ZNF675: variants seen among roughly 807,000 people sequenced by gnomAD.
The protein encoded by ZNF675 is zinc finger protein 675, also known as TRAF6 inhibitory zinc finger.
A neutral mutation model predicts 56.1 loss-of-function variants in ZNF675; 36 were observed. The observed-to-expected ratio is 0.64, with a 90% CI of 0.49 to 0.85. The LOEUF is 0.85. Ranked by LOEUF, ZNF675 falls within the 40% of genes least tolerant of loss-of-function variation. The probability of loss-of-function intolerance (pLI) is 0.00; values close to 1 mark genes in which losing one functional copy is unlikely to be tolerated. For missense variants in ZNF675, 663 were observed against 654.2 expected, an observed-to-expected ratio of 1.01 and a Z score of -0.15; for synonymous variants, 200 against 218.9, an observed-to-expected ratio of 0.91 and a Z score of 0.76.
intron 1 of ZNF675, among the ~76,000 whole-genome samples, chr19:23,665,476 G>A (rs1968137372): frequency 6.6e-6 from 1 of 152,096 alleles, no homozygotes; most frequent in Admixed American, 6.6e-5. Flanking sequence ...TAGGGTTCAT[G>A]AGTGGTTTTT....
intron 1 of ZNF675, among the ~76,000 whole-genome samples, chr19:23,666,864 G>A (rs1392796173): frequency 6.6e-6 from 1 of 151,976 alleles, no homozygotes; most frequent in Non-Finnish European, 1.5e-5. Context: ...CCACGTGCAA[G>A]TGCCTGACTA....
intron 1 of ZNF675, among the ~76,000 whole-genome samples, chr19:23,675,140 T>C (rs1968279772): frequency 6.6e-6 from 1 of 151,650 alleles, no homozygotes; most frequent in Non-Finnish European, 1.5e-5. Flanking sequence ...CTTGAAAGAA[T>C]GTTTATGGGG....
intron 3 of ZNF675, among the ~76,000 whole-genome samples, chr19:23,659,726 T>C (rs1280157832): frequency 2.6e-5 from 4 of 152,302 alleles, no homozygotes; most frequent in South Asian, 2.1e-4. Flanking sequence ...CCACTAAGAA[T>C]TCTGAACTTA....
At chr19:23,660,965 C>T (rs544307373) in intron 3 of ZNF675, among the ~76,000 whole-genome samples, 2 of 145,332 alleles carry the variant, frequency 1.4e-5, no homozygotes, top group Non-Finnish European at 3.0e-5. Flanking sequence ...GAGTCCCACT[C>T]TATAGCCAGG....
chr19:23,680,955 T>C (rs1223854135), intron 1 of ZNF675, among the ~76,000 whole-genome samples: 5 of 151,410 alleles, frequency 3.3e-5, no homozygotes, highest in Non-Finnish European at 7.4e-5. Flanking sequence ...ATGACACAAT[T>C]TTACCTATAA....
At chr19:23,663,852 T>C (rs7256112) in intron 1 of ZNF675, among the ~76,000 whole-genome samples, 147,971 of 152,322 alleles carry the variant, frequency 0.97, 72,038 homozygotes, top group Middle Eastern at 1. Flanking sequence ...ACATTAGATG[T>C]TCTCCATTTT....
intron 3 of ZNF675, chr19:23,658,688 G>C (rs1479575308): frequency 6.6e-6 from 1 of 151,292 alleles, no homozygotes; most frequent in African/African-American, 2.4e-5. Flanking sequence ...TCAAAAAAAA[G>C]ACAGAAATTT....
At chr19:23,668,985 G>A (rs138040580) in intron 1 of ZNF675, among the ~76,000 whole-genome samples, 1,691 of 152,302 alleles carry the variant, frequency 0.011, 36 homozygotes, top group African/African-American at 0.038. Flanking sequence ...ACAGTGCAGC[G>A]GTGGGCTGAA....
Position 23,653,242 on chromosome 19 carries a change from T to C in ZNF675, c.1691A>G (p.Gln564Arg), listed in dbSNP as rs747604014. Reference sequence around the variant, plus strand: ...AAATCATTATCACACATTCCAGTTCTGTAGTTTCTCTCCAGTATGTATTTT... The same window carrying C: ...AAATCATTATCACACATTCCAGTTCCGTAGTTTCTCTCCAGTATGTATTTT... Reference protein sequence around the residue: ...HKKIHTGEKLQNWNV With the variant: ...HKKIHTGEKLRNWNV The change falls in exon 4 of 4, where the codon CAG becomes CGG. Residue 564 changes from glutamine (Q) to arginine (R), a missense_variant. By Grantham distance (43) the Gln-to-Arg change is conservative (BLOSUM62 1). Around this residue, in one of 3 missense-constraint regions of ZNF675, gnomAD observed 617 missense variants for 590.5 expected, o/e 1.04. Transcript: ENST00000359788. 2 of 1,599,766 alleles carry C rather than the reference T, an allele frequency of 1.3e-6. No individual in the cohort carries two copies. The highest frequency in any genetic ancestry group is 8.5e-7 in the Non-Finnish European group (1 of 1,173,372).
chr19:23,654,891 C>T (rs1967962111), intron 3 of ZNF675, 185 bp from the exon 4 acceptor site: 4 of 459,154 alleles, frequency 8.7e-6, no homozygotes, highest in African/African-American at 6.1e-5. Context: ...AATTCTGTCA[C>T]ATTTACCCAA....
intron 3 of ZNF675, among the ~76,000 whole-genome samples, chr19:23,661,739 G>A (rs916390008): frequency 2.0e-5 from 3 of 152,054 alleles, no homozygotes; most frequent in Admixed American, 1.3e-4. Flanking sequence ...CTTCTCATAC[G>A]TTTCAGACAA....
chr19:23,653,580 G>C lies in ZNF675; in HGVS notation c.1353C>G (p.Pro451=), dbSNP rs929679779. 5.0e-6 allele frequency: 8 copies of C among 1,612,508 alleles called. No homozygotes were observed. The highest frequency in any genetic ancestry group is 5.9e-6 in the Non-Finnish European group (7 of 1,179,466). ...EHKKLHTGKK[P]YKCEECGKAF... is the part of the protein sequence containing the mutation. ...CTTTGCCACATTCTTCACATTTGTA[G>C]GGTTTCTTTCCAGTATGAAGTTTCT... The change falls in exon 4 of 4, where the codon CCC becomes CCG. Residue 451 remains proline, a synonymous_variant. Transcript: ENST00000359788.
chr19:23,677,910 G>A (rs1430035100), intron 1 of ZNF675, among the ~76,000 whole-genome samples: 7 of 151,478 alleles, frequency 4.6e-5, no homozygotes, highest in Admixed American at 2.0e-4. Flanking sequence ...ACCTGAGGTC[G>A]GGAGTTTGAG....
At chr19:23,684,729 T>G (rs900934295) in intron 1 of ZNF675, among the ~76,000 whole-genome samples, 7 of 152,142 alleles carry the variant, frequency 4.6e-5, no homozygotes, top group African/African-American at 1.4e-4. Context: ...CCCATCCTGC[T>G]CACTTAAGTG....
At chr19:23,674,275 A>C (rs1029176866) in intron 1 of ZNF675, among the ~76,000 whole-genome samples, 1 of 151,978 alleles carries the variant, frequency 6.6e-6, no homozygotes, top group African/African-American at 2.4e-5. Flanking sequence ...AAGTTTATTT[A>C]CCTGTTAATA....
intron 3 of ZNF675, among the ~76,000 whole-genome samples, chr19:23,660,717 TTA>T (rs1968064717): frequency 6.6e-6 from 1 of 152,168 alleles, no homozygotes; most frequent in Non-Finnish European, 1.5e-5. Flanking sequence ...TGAAAATATT[TTA>T]TGTCTATGAA....
intron 1 of ZNF675, among the ~76,000 whole-genome samples, chr19:23,676,994 G>A (rs751024271): frequency 5.0e-5 from 7 of 139,856 alleles, no homozygotes; most frequent in Non-Finnish European, 7.8e-5. Context: ...GAATGGCGGC[G>A]TTAACCCGGG....
At position 23,654,237 on chromosome 19, in the gene ZNF675, T is replaced by G; in HGVS notation, c.696A>C (p.Glu232Asp). The change falls in exon 4 of 4, where the codon GAA becomes GAC. Residue 232 changes from glutamate to aspartate, a missense_variant. Physicochemically the swap from Glu to Asp is conservative, Grantham distance 45. Coordinates refer to ENST00000359788, the MANE Select transcript of ZNF675 (RefSeq NM_138330.3). ...AGAATTGGTTAAAAGTTCTGTCACA[T>G]TCTTGACATTTGTAGAGTTTCTCAC... is the stretch of plus-strand genomic sequence containing the variant. Reference protein sequence around the residue: ...YTCEKLYKCQECDRTFNQFSN... With the variant: ...YTCEKLYKCQDCDRTFNQFSN... 1 of 1,614,016 alleles carries G rather than the reference T, an allele frequency of 6.2e-7. No individual in the cohort carries two copies. The highest frequency in any genetic ancestry group is 8.5e-7 in the Non-Finnish European group (1 of 1,179,952).
rs978391304 is a variant in ZNF675 at position 23,653,450 on chromosome 19, G to A, written c.1483C>T (p.Leu495Phe). The A allele has an allele frequency of 6.2e-7, 1 of 1,612,894 alleles. No individual in the cohort carries two copies. The highest frequency in any genetic ancestry group is 8.5e-7 in the Non-Finnish European group (1 of 1,179,708). Reference protein sequence around the residue: ...CGKAFKHSSSLTTHKRIHTGE... With the variant: ...CGKAFKHSSSFTTHKRIHTGE... Reference sequence around the variant, plus strand: ...GTATGAATTCTTTTATGTGTAGTAAGGGATGAGGAGTGTTTAAAAGCTTTG... The same window carrying A: ...GTATGAATTCTTTTATGTGTAGTAAAGGATGAGGAGTGTTTAAAAGCTTTG... The change falls in exon 4 of 4, where the codon CTT (leucine) becomes TTT (phenylalanine). Residue 495 changes from leucine to phenylalanine, a missense_variant. Leu to Phe is a conservative substitution (Grantham distance 22). Coordinates refer to ENST00000359788, the MANE Select transcript of ZNF675 (RefSeq NM_138330.3).
Sources: allele counts gnomAD v4.1 joint callset (sites outside exome capture counted in the v4.1 genomes callset), GRCh38; gene constraint gnomAD v4.1.1; regional missense constraint gnomAD v4.1.1; transcripts MANE v1.5; gene names NCBI Gene and HGNC (gene_info 2026-07-23, HGNC 2026-07-21).